The following SH3D19 variants were observed in gnomAD, a reference collection of about 807,000 sequenced individuals.
SH3D19 encodes the protein SH3 domain containing 19.
Under a neutral mutation model 112.1 loss-of-function variants are expected in SH3D19, and 58 were observed. The observed-to-expected ratio is 0.52, with a 90% confidence interval of 0.42 to 0.64. SH3D19 has a LOEUF of 0.64. SH3D19 is among the 30% of genes least tolerant of loss of function. SH3D19 has a pLI of 0.00. For missense variants in SH3D19, 1,090 were observed against 1,263.4 expected (o/e 0.86, Z 2.08); for synonymous variants, 391 against 448.5 (o/e 0.87, Z 1.62).
chr4:151,257,613 T>C (rs1293642487), intron 1 of SH3D19, among the ~76,000 whole-genome samples: 4 of 152,280 alleles, frequency 2.6e-5, no homozygotes, highest in South Asian at 2.1e-4. Flanking sequence ...ATCATCATCA[T>C]GCTATTAAAA....
At chr4:151,250,331 G>C (rs984660978) in intron 1 of SH3D19, among the ~76,000 whole-genome samples, 3 of 152,178 alleles carry the variant, frequency 2.0e-5, no homozygotes, top group African/African-American at 7.2e-5. Flanking sequence ...TCGGTACATA[G>C]TGGCATGGAA....
chr4:151,215,417 A>C (rs1766910340), intron 2 of SH3D19, among the ~76,000 whole-genome samples: 1 of 152,254 alleles, frequency 6.6e-6, no homozygotes, highest in South Asian at 2.1e-4. Context: ...TATCTTGAGG[A>C]AACAGGTTTA....
chr4:151,237,904 T>C (rs748132375), intron 1 of SH3D19, among the ~76,000 whole-genome samples: 9 of 152,214 alleles, frequency 5.9e-5, no homozygotes, highest in Non-Finnish European at 1.3e-4. Flanking sequence ...AACCTTCCCT[T>C]ATTCAACGGT....
intron 1 of SH3D19, among the ~76,000 whole-genome samples, chr4:151,284,625 T>C (rs1183061129): frequency 6.6e-6 from 1 of 152,248 alleles, no homozygotes; most frequent in East Asian, 1.9e-4. Context: ...CAGTTTATCT[T>C]GGAAAACGTT....
intron 1 of SH3D19, among the ~76,000 whole-genome samples, chr4:151,321,064 A>G (rs532075782): frequency 6.6e-6 from 1 of 152,314 alleles, no homozygotes; most frequent in East Asian, 1.9e-4. Context: ...ACCCACAGCT[A>G]CATGTAACAA....
At chr4:151,141,224 TAA>T in intron 12 of SH3D19, 1 of 152,234 alleles carries the variant, frequency 6.6e-6, no homozygotes, top group East Asian at 1.9e-4. Context: ...CTCCAGGGGT[TAA>T]GTTATCCTCC....
intron 2 of SH3D19, among the ~76,000 whole-genome samples, chr4:151,213,776 C>G (rs1337054623): frequency 4.0e-5 from 6 of 151,730 alleles, no homozygotes; most frequent in Non-Finnish European, 1.5e-5. Context: ...AACTCCTAGG[C>G]TCAGGGCTTA....
intron 9 of SH3D19, among the ~76,000 whole-genome samples, chr4:151,156,723 A>G (rs1217349353): frequency 6.6e-6 from 1 of 152,236 alleles, no homozygotes; most frequent in Non-Finnish European, 1.5e-5. Context: ...AGAAGAAAGC[A>G]GGGAAAAGAC....
intron 1 of SH3D19, among the ~76,000 whole-genome samples, chr4:151,259,282 G>A (rs1006038417): frequency 1.3e-5 from 2 of 152,164 alleles, no homozygotes; most frequent in African/African-American, 4.8e-5. Context: ...TGACAAATGA[G>A]GATGAACCAG....
chr4:151,293,993 C>T (rs1051895037), intron 1 of SH3D19, among the ~76,000 whole-genome samples: 1 of 152,222 alleles, frequency 6.6e-6, no homozygotes, highest in Non-Finnish European at 1.5e-5. Context: ...AAGCTATCCC[C>T]ATCTCTCCTA....
At chr4:151,122,379 C>G (rs549970877) in intron 19 of SH3D19, among the ~76,000 whole-genome samples, 172 bp from the exon 20 acceptor site, 1 of 152,180 alleles carries the variant, frequency 6.6e-6, no homozygotes, top group South Asian at 2.1e-4. Context: ...TGCTTGTAAG[C>G]CTCTATCCCT....
chr4:151,242,472 G>A (rs1480023220), intron 1 of SH3D19, among the ~76,000 whole-genome samples: 1 of 152,182 alleles, frequency 6.6e-6, no homozygotes, highest in Non-Finnish European at 1.5e-5. Context: ...AACCAGCAAA[G>A]GGCAGAGCTG....
intron 1 of SH3D19, among the ~76,000 whole-genome samples, chr4:151,306,949 C>T (rs1401535498): frequency 6.6e-6 from 1 of 152,070 alleles, no homozygotes; most frequent in Non-Finnish European, 1.5e-5. Flanking sequence ...CCGCATCATT[C>T]CTTACAATTT....
intron 1 of SH3D19, among the ~76,000 whole-genome samples, chr4:151,247,214 T>C (rs1413786318): frequency 6.6e-6 from 1 of 152,212 alleles, no homozygotes; most frequent in East Asian, 1.9e-4. Flanking sequence ...TTAGGAGAAA[T>C]ATATTTTCTG....
At position 151,121,314 on chromosome 4, in the gene SH3D19, G is replaced by T. The variant is rs1438771102; in HGVS notation, c.*777C>A. 6.6e-6 allele frequency: 1 copy of T among 152,636 alleles called. No individual in the cohort carries two copies. 9.5% of individuals were successfully genotyped at this position (152,636 alleles called of 1,614,324 possible). The stretch of plus-strand genomic sequence containing the variant: ...AGGAATGATTGCAGATTCAGAAAAT[G>T]TGCTTTGTAATAACCCTGTTAACAT... On this transcript the variant is annotated 3_prime_UTR_variant, in exon 20 of 20. Transcript: ENST00000604030.
At position 151,150,532 on chromosome 4, in the gene SH3D19, G is replaced by A. The variant is rs548860421; in HGVS notation, c.1756-971C>T. 5.9e-5 allele frequency among the ~76,000 whole-genome samples: 9 copies of A among 151,890 alleles called. No individual in the cohort carries two copies. In the South Asian group the frequency reaches 1.2e-3, roughly 21 times the overall value. Reference sequence around the variant, plus strand: ...TTTTGAACTAGAAGGAGGTGGGAACGTAAAAGAAACTTGCAGGATGGTCTG... The same window carrying A: ...TTTTGAACTAGAAGGAGGTGGGAACATAAAAGAAACTTGCAGGATGGTCTG... On this transcript the variant is annotated intron_variant, in intron 9 of 19. Transcript: ENST00000604030.
intron 7 of SH3D19, 116 bp downstream of exon 7, chr4:151,174,554 C>T (rs948977124): frequency 4.6e-6 from 4 of 877,132 alleles, no homozygotes; most frequent in Admixed American, 3.1e-5. Flanking sequence ...TGCATGTGCA[C>T]ATACTTGTAT....
At chr4:151,181,730 C>G (rs1158023592) in intron 3 of SH3D19, 1 of 151,556 alleles carries the variant, frequency 6.6e-6, no homozygotes, top group Non-Finnish European at 1.5e-5. Context: ...TTCATGAGTG[C>G]TAAGGGAAAA....
In SH3D19 at chr4:151,236,359, G is replaced by A. The variant is rs1283684799; in HGVS notation, c.113-10273C>T. Among the ~76,000 whole-genome samples, 5 of 152,268 alleles carry A rather than the reference G, an allele frequency of 3.3e-5. No homozygotes were observed. In the South Asian group the frequency reaches 6.2e-4, roughly 19 times the overall value. ...GCTGGCACCTGCTGGGCTTGATTGG[G>A]GGATGAGCTCCCTCTGGGCTGCCGG... On this transcript the variant is annotated intron_variant, in intron 1 of 19. Transcript: ENST00000604030.
Sources: allele counts gnomAD v4.1 joint callset (sites outside exome capture counted in the v4.1 genomes callset), GRCh38; gene constraint gnomAD v4.1.1; transcripts MANE v1.5; gene names NCBI Gene and HGNC (gene_info 2026-07-23, HGNC 2026-07-21).